Variants in TTC28 observed in about 807,000 individuals in gnomAD.
TTC28 encodes the protein tetratricopeptide repeat protein 28.
A neutral mutation model predicts 198.0 loss-of-function variants in TTC28; 61 were observed. The ratio of observed to expected loss-of-function variants is 0.31; its 90% CI spans 0.25 to 0.38. The LOEUF is 0.38. Among genes scored for constraint, TTC28 ranks in the 10% least tolerant of loss-of-function variants. The pLI is 1.00. For missense variants in TTC28, 2,678 were observed against 3,164.0 expected (o/e 0.85, Z 3.69); for synonymous variants, 1,171 against 1,297.8 (o/e 0.90, Z 2.10).
At chr22:28,039,844 C>A (rs917790338) in intron 12 of TTC28, among the ~76,000 whole-genome samples, 1 of 151,628 alleles carries the variant, frequency 6.6e-6, no homozygotes, top group South Asian at 2.1e-4. Context: ...GCTAGCAAGA[C>A]TAATAAAGAA....
intron 6 of TTC28, among the ~76,000 whole-genome samples, chr22:28,155,641 A>G (rs1018419551): frequency 3.3e-5 from 5 of 152,244 alleles, no homozygotes; most frequent in Admixed American, 6.5e-5. Context: ...ATGTGGAGGA[A>G]AGCTTAAGGA....
intron 5 of TTC28, among the ~76,000 whole-genome samples, chr22:28,278,781 C>G (rs1264775849): frequency 1.3e-5 from 2 of 152,302 alleles, no homozygotes; most frequent in South Asian, 4.1e-4. Context: ...ACTCATGCCA[C>G]CCAAACTGCA....
chr22:28,627,521 T>A (rs1395055460), intron 2 of TTC28, among the ~76,000 whole-genome samples: 4 of 151,090 alleles, frequency 2.6e-5, no homozygotes, highest in African/African-American at 9.7e-5. Context: ...AACCTCTGCC[T>A]CTTGGGTTCA....
intron 5 of TTC28, among the ~76,000 whole-genome samples, chr22:28,204,830 C>T (rs904502019): frequency 2.0e-5 from 3 of 152,120 alleles, no homozygotes; most frequent in Non-Finnish European, 4.4e-5. Context: ...TAGAGAAACA[C>T]AGCCATGTAT....
intron 2 of TTC28, among the ~76,000 whole-genome samples, chr22:28,461,053 T>C (rs1463373278): frequency 6.6e-6 from 1 of 152,228 alleles, no homozygotes; most frequent in Non-Finnish European, 1.5e-5. Flanking sequence ...GTAGGATCTG[T>C]TTATCTACGG....
intron 2 of TTC28, among the ~76,000 whole-genome samples, chr22:28,357,829 G>A (rs1437555833): frequency 1.3e-5 from 2 of 152,084 alleles, no homozygotes; most frequent in African/African-American, 4.8e-5. Context: ...AGTCACAAAG[G>A]ACTCCAGAGC....
At chr22:28,118,347 C>T (rs909018216) in intron 6 of TTC28, among the ~76,000 whole-genome samples, 3 of 151,540 alleles carry the variant, frequency 2.0e-5, no homozygotes, top group African/African-American at 7.3e-5. Context: ...TGCAGCAAGC[C>T]GAGATCACGC....
intron 5 of TTC28, among the ~76,000 whole-genome samples, chr22:28,227,067 G>A (rs1283926407): frequency 1.3e-5 from 2 of 152,206 alleles, no homozygotes; most frequent in East Asian, 3.9e-4. Flanking sequence ...TGGGACTACA[G>A]ATGCACACCT....
At chr22:28,287,974 T>C (rs2044715590) in intron 5 of TTC28, among the ~76,000 whole-genome samples, 1 of 152,130 alleles carries the variant, frequency 6.6e-6, no homozygotes, top group Admixed American at 6.5e-5. Context: ...GAGTATCTTG[T>C]TTACTTGAAT....
intron 2 of TTC28, among the ~76,000 whole-genome samples, chr22:28,400,031 C>T (rs1270963824): frequency 1.3e-5 from 2 of 152,182 alleles, no homozygotes; most frequent in Non-Finnish European, 2.9e-5. Flanking sequence ...AGTCTTTTCC[C>T]CCATCCCAAA....
At chr22:28,192,922 A>T (rs2147132706) in intron 5 of TTC28, among the ~76,000 whole-genome samples, 1 of 152,318 alleles carries the variant, frequency 6.6e-6, no homozygotes, top group South Asian at 2.1e-4. Flanking sequence ...CAACATTCAA[A>T]TTCAGGAAAT....
At chr22:28,309,593 T>C (rs1306445132) in intron 2 of TTC28, among the ~76,000 whole-genome samples, 1 of 152,204 alleles carries the variant, frequency 6.6e-6, no homozygotes, top group Non-Finnish European at 1.5e-5. Context: ...ATGTTTATCT[T>C]ATTATCACAG....
chr22:28,005,177 T>C lies in TTC28; in HGVS notation c.4219-3624A>G, dbSNP rs1399679380. On this transcript the variant is annotated intron_variant, in intron 14 of 22. Coordinates refer to ENST00000397906, the MANE Select transcript of TTC28 (RefSeq NM_001145418.2). This position sits in a 1 kb window ranked among gnomAD's most constrained non-coding sequence, Gnocchi z 4.9. Reference sequence around the variant, plus strand: ...CTCACCAAGGGGCTGTGACCCTGACTGTGGCAATGTGAGTCCAGGCAGCAA... The same window carrying C: ...CTCACCAAGGGGCTGTGACCCTGACCGTGGCAATGTGAGTCCAGGCAGCAA... 6.6e-6 allele frequency among the ~76,000 whole-genome samples: 1 copy of C among 152,224 alleles called. No individual in the cohort carries two copies. The highest frequency in any genetic ancestry group is 1.5e-5 in the Non-Finnish European group (1 of 68,052).
At chr22:28,155,007 T>C (rs1180846385) in intron 6 of TTC28, among the ~76,000 whole-genome samples, 1 of 152,222 alleles carries the variant, frequency 6.6e-6, no homozygotes, top group African/African-American at 2.4e-5. Context: ...TTACATCATC[T>C]ACATCGTGGA....
At chr22:28,462,874 A>C (rs2047968366) in intron 2 of TTC28, among the ~76,000 whole-genome samples, 1 of 152,228 alleles carries the variant, frequency 6.6e-6, no homozygotes, top group Non-Finnish European at 1.5e-5. Flanking sequence ...AGGTGATACT[A>C]ATATTCCAGT....
At chr22:28,188,342 G>A (rs1924398428) in intron 5 of TTC28, among the ~76,000 whole-genome samples, 1 of 152,112 alleles carries the variant, frequency 6.6e-6, no homozygotes, top group South Asian at 2.1e-4. Context: ...CAGAGAAAAC[G>A]GAAACCAAAC....
intron 6 of TTC28, among the ~76,000 whole-genome samples, chr22:28,125,913 G>GA (rs935364392): frequency 1.3e-5 from 2 of 152,020 alleles, no homozygotes; most frequent in African/African-American, 2.4e-5. Flanking sequence ...TAAAGTAGGT[G>GA]AAAAAAATAC....
chr22:28,178,479 G>C (rs1357696005), intron 5 of TTC28, among the ~76,000 whole-genome samples: 1 of 151,822 alleles, frequency 6.6e-6, no homozygotes, highest in East Asian at 1.9e-4. Context: ...GGAGAGGAAC[G>C]GGGGAGGGGA....
chr22:28,459,857 C>G (rs1054353682), intron 2 of TTC28: 4 of 152,172 alleles, frequency 2.6e-5, no homozygotes, highest in African/African-American at 7.2e-5. Context: ...CCTCTGGTCT[C>G]AAACACTCCA....
Sources: gnomAD v4.1 joint callset for allele counts (sites outside exome capture counted in the v4.1 genomes callset) on GRCh38, gnomAD v4.1.1 for gene constraint, Gnocchi (gnomAD v3.1) non-coding constraint, MANE v1.5 for transcripts, NCBI Gene and HGNC (gene_info 2026-07-23, HGNC 2026-07-21) for gene names.